GABRB3: variants seen among roughly 807,000 people sequenced by gnomAD.
GABRB3 encodes the protein gamma-aminobutyric acid type A receptor subunit beta3.
A neutral mutation model predicts 52.1 loss-of-function variants in GABRB3; 14 were observed. That is an observed-to-expected ratio of 0.27 (90% CI 0.18 to 0.42). The LOEUF (loss-of-function observed/expected upper bound fraction) is 0.42. Among genes scored for constraint, GABRB3 ranks in the 10% least tolerant of loss-of-function variants. The probability of loss-of-function intolerance (pLI) is 1.00; values close to 1 mark genes in which losing one functional copy is unlikely to be tolerated. For synonymous variants in GABRB3, 260 were observed against 232.3 expected (o/e 1.12, Z -1.08); for missense variants, 307 against 609.1 (o/e 0.50, Z 5.22).
intron 3 of GABRB3, among the ~76,000 whole-genome samples, chr15:26,711,113 C>G (rs1889279793): frequency 6.6e-6 from 1 of 152,200 alleles, no homozygotes; most frequent in South Asian, 2.1e-4. Context: ...ACAGCCAATT[C>G]ATCTGGCAAA....
chr15:26,746,942 G>A (rs1489575469), intron 3 of GABRB3, among the ~76,000 whole-genome samples: 3 of 152,228 alleles, frequency 2.0e-5, no homozygotes, highest in Admixed American at 6.5e-5. Context: ...AGCAGAGATC[G>A]CACTACTGCA....
chr15:26,620,580 T>C (rs117200761), intron 4 of GABRB3, among the ~76,000 whole-genome samples: 1,842 of 152,224 alleles, frequency 0.012, 31 homozygotes, highest in African/African-American at 0.036. Context: ...ACACACAAAA[T>C]ACTGTTCTAA....
chr15:26,594,253 C>T (rs1484747690), intron 4 of GABRB3, among the ~76,000 whole-genome samples: 1 of 151,400 alleles, frequency 6.6e-6, no homozygotes, highest in East Asian at 2.0e-4. Context: ...CCATGTTTTC[C>T]TCTTTCTTTG....
At position 26,606,384 on chromosome 15, in the gene GABRB3, G is replaced by A. The variant is rs559539599; in HGVS notation, c.461+14930C>T. 1.4e-4 allele frequency among the ~76,000 whole-genome samples: 21 copies of A among 152,022 alleles called. 1 individual carries two copies. The highest frequency in any genetic ancestry group is 3.9e-4 in the East Asian group (2 of 5,166). ...ATGTGATTATTATGTACTGCATGCC[G>A]GGACCAAAATATCTCATGTATCCCA... On this transcript the variant is annotated intron_variant, in intron 4 of 8. Coordinates refer to ENST00000311550, the MANE Select transcript of GABRB3 (RefSeq NM_000814.6).
At chr15:26,625,424 A>G (rs1389690823) in intron 3 of GABRB3, 1 of 970,050 alleles carries the variant, frequency 1.0e-6, no homozygotes, top group Non-Finnish European at 1.2e-6. Context: ...GAAGTCACCA[A>G]TTTTTACCTT....
intron 3 of GABRB3, among the ~76,000 whole-genome samples, chr15:26,666,066 G>A (rs922633683): frequency 6.6e-6 from 1 of 152,092 alleles, no homozygotes; most frequent in Non-Finnish European, 1.5e-5. Context: ...ACACAGACCA[G>A]CTTTTTAGCC....
intron 7 of GABRB3, among the ~76,000 whole-genome samples, chr15:26,562,896 G>T (rs1037571355): frequency 6.6e-6 from 1 of 152,218 alleles, no homozygotes; most frequent in Non-Finnish European, 1.5e-5. Flanking sequence ...GGAAATCCAA[G>T]ATGTCAGAAT....
chr15:26,609,333 G>C (rs1891975696), intron 4 of GABRB3, among the ~76,000 whole-genome samples: 2 of 152,020 alleles, frequency 1.3e-5, no homozygotes, highest in South Asian at 4.1e-4. Flanking sequence ...ATGGAGGATG[G>C]GGGGAATGGG....
At chr15:26,590,796 C>T (rs924330731) in intron 4 of GABRB3, among the ~76,000 whole-genome samples, 2 of 152,120 alleles carry the variant, frequency 1.3e-5, no homozygotes, top group Non-Finnish European at 2.9e-5. Context: ...TTCCAGAATC[C>T]ACTCTCCCAG....
At chr15:26,597,198 G>C (rs1566765766) in intron 4 of GABRB3, among the ~76,000 whole-genome samples, 1 of 152,172 alleles carries the variant, frequency 6.6e-6, no homozygotes, top group Admixed American at 6.5e-5. Context: ...AGGAGTTTTG[G>C]AGGGGACATT....
At chr15:26,607,102 C>T (rs1891867124) in intron 4 of GABRB3, among the ~76,000 whole-genome samples, 1 of 152,128 alleles carries the variant, frequency 6.6e-6, no homozygotes, top group Admixed American at 6.6e-5. Context: ...CTGTACCTCA[C>T]TTCTGATTCC....
chr15:26,719,268 G>A (rs1889582322), intron 3 of GABRB3, among the ~76,000 whole-genome samples: 2 of 152,236 alleles, frequency 1.3e-5, no homozygotes, highest in South Asian at 2.1e-4. Flanking sequence ...GTGAAGGAAC[G>A]ACCCTGCTCA....
intron 3 of GABRB3, among the ~76,000 whole-genome samples, chr15:26,640,440 C>T (rs1018389841): frequency 1.3e-5 from 2 of 152,048 alleles, no homozygotes; most frequent in Non-Finnish European, 2.9e-5. Context: ...TGGCATGAAC[C>T]CGGGAGGTGG....
rs149754187 is a variant in GABRB3 at position 26,767,415 on chromosome 15, T to G, written c.240+4987A>C. Among the ~76,000 whole-genome samples, 11 of 152,308 alleles carry G rather than the reference T, an allele frequency of 7.2e-5. 1 individual carries two copies. In the East Asian group the frequency reaches 2.1e-3, roughly 29 times the overall value. ...CAGTAAAGGACAGCCTGCTAACATG[T>G]GATAGTGTGGGTGTCCTCACTGAGA... On this transcript the variant is annotated intron_variant, in intron 3 of 8. Transcript: ENST00000311550.
chr15:26,765,870 G>A (rs928316502), intron 3 of GABRB3, among the ~76,000 whole-genome samples: 1 of 152,172 alleles, frequency 6.6e-6, no homozygotes, highest in African/African-American at 2.4e-5. Flanking sequence ...GCCCTTAATG[G>A]AGCATCTTTT....
intron 6 of GABRB3, among the ~76,000 whole-genome samples, chr15:26,578,792 G>C (rs1042948980): frequency 6.6e-6 from 1 of 152,202 alleles, no homozygotes; most frequent in Admixed American, 6.5e-5. Context: ...CTACCACTCA[G>C]GGCATGGAAC....
At chr15:26,636,221 T>C (rs1893056653) in intron 3 of GABRB3, among the ~76,000 whole-genome samples, 1 of 152,216 alleles carries the variant, frequency 6.6e-6, no homozygotes, top group South Asian at 2.1e-4. Flanking sequence ...ACAAAGGACC[T>C]TGTACTTTCA....
At chr15:26,724,752 C>T (rs1889727282) in intron 3 of GABRB3, among the ~76,000 whole-genome samples, 1 of 152,154 alleles carries the variant, frequency 6.6e-6, no homozygotes, top group Admixed American at 6.5e-5. Context: ...TTTCTTCCTT[C>T]ATAAATATTC....
At chr15:26,581,401 C>T (rs1442067141) in intron 5 of GABRB3, among the ~76,000 whole-genome samples, 1 of 152,176 alleles carries the variant, frequency 6.6e-6, no homozygotes, top group Non-Finnish European at 1.5e-5. Context: ...ACAGCTAATG[C>T]CACCTTCCTG....
Sources: allele counts gnomAD v4.1 joint callset (sites outside exome capture counted in the v4.1 genomes callset), GRCh38; gene constraint gnomAD v4.1.1; transcripts MANE v1.5; gene names NCBI Gene and HGNC (gene_info 2026-07-23, HGNC 2026-07-21).